Variants in BABAM2 observed in about 807,000 individuals in gnomAD.
BABAM2 encodes BRISC and BRCA1 A complex member 2.
In BABAM2, 31 loss-of-function variants were observed where a neutral mutation model predicts 54.7. The ratio of observed to expected loss-of-function variants is 0.57; its 90% confidence interval spans 0.43 to 0.77. The LOEUF (loss-of-function observed/expected upper bound fraction) is 0.77, where lower values mean the gene tolerates loss of function less well. Among genes scored for constraint, BABAM2 ranks in the 30% least tolerant of loss-of-function variants. The probability of loss-of-function intolerance (pLI) is 0.00; values close to 1 mark genes in which losing one functional copy is unlikely to be tolerated. For missense variants in BABAM2, 364 were observed against 455.8 expected (o/e 0.80, Z 1.83); for synonymous variants, 167 against 162.9 (o/e 1.03, Z -0.19).
chr2:27,925,298 TATC>T (rs1174749458), intron 2 of BABAM2, among the ~76,000 whole-genome samples: 1 of 152,180 alleles, frequency 6.6e-6, no homozygotes, highest in African/African-American at 2.4e-5. Flanking sequence ...ATTTGGTTAT[TATC>T]TCACACTTTG....
At chr2:27,914,496 A>G (rs561084964) in intron 2 of BABAM2, among the ~76,000 whole-genome samples, 8 of 152,248 alleles carry the variant, frequency 5.3e-5, no homozygotes, top group Non-Finnish European at 1.2e-4. Flanking sequence ...ATACTTCTTA[A>G]AGTGTAACAC....
intron 6 of BABAM2, among the ~76,000 whole-genome samples, chr2:28,103,469 C>T (rs375223396): frequency 2.0e-5 from 3 of 152,052 alleles, no homozygotes; most frequent in Non-Finnish European, 2.9e-5. Flanking sequence ...CCACCATGCT[C>T]GGCTAATTTT....
chr2:28,154,386 G>A (rs544567323), intron 7 of BABAM2, among the ~76,000 whole-genome samples: 6 of 152,268 alleles, frequency 3.9e-5, no homozygotes, highest in South Asian at 4.1e-4. Context: ...GGAGAAACAC[G>A]AATATTTCAA....
rs1033648178 is a variant in BABAM2 at position 28,319,890 on chromosome 2, C to T, written c.1089-18560C>T. ...CAGAGGTCCAGAATAGACAGGCTCA[C>T]GGTGGGGGAAGTGACCTCACTCCCG... On this transcript the variant is annotated intron_variant, in intron 11 of 11. Transcript: ENST00000379624. Among the ~76,000 whole-genome samples the T allele has an allele frequency of 9.2e-5, 14 of 152,284 alleles. No individual in the cohort carries two copies. In the South Asian group the frequency reaches 2.1e-3, roughly 23 times the overall value.
intron 7 of BABAM2, among the ~76,000 whole-genome samples, chr2:28,145,265 T>A (rs1369431406): frequency 6.6e-6 from 1 of 152,218 alleles, no homozygotes; most frequent in Non-Finnish European, 1.5e-5. Context: ...TAAATACGCA[T>A]CTCTTCTCCT....
chr2:28,057,915 G>A (rs1018388695), intron 6 of BABAM2, among the ~76,000 whole-genome samples: 3 of 151,992 alleles, frequency 2.0e-5, no homozygotes, highest in East Asian at 1.9e-4. Context: ...AGGCCGAGGC[G>A]GGAGGATCAC....
At chr2:27,974,500 T>C (rs769861655) in intron 3 of BABAM2, among the ~76,000 whole-genome samples, 24 of 152,098 alleles carry the variant, frequency 1.6e-4, no homozygotes, top group Non-Finnish European at 2.5e-4. Context: ...TAATACAAGA[T>C]AAACTGTATG....
intron 2 of BABAM2, among the ~76,000 whole-genome samples, chr2:27,923,734 G>A (rs189321019): frequency 6.6e-6 from 1 of 152,328 alleles, no homozygotes; most frequent in East Asian, 1.9e-4. Flanking sequence ...TCTTTGGGAG[G>A]CTGAGGCAGG....
intron 6 of BABAM2, among the ~76,000 whole-genome samples, chr2:28,077,493 C>A (rs1411992963): frequency 6.6e-6 from 1 of 152,122 alleles, no homozygotes; most frequent in African/African-American, 2.4e-5. Context: ...GATTCTAGAA[C>A]TTCTAAGGAT....
intron 3 of BABAM2, among the ~76,000 whole-genome samples, chr2:27,971,584 A>G (rs555810602): frequency 9.8e-5 from 15 of 152,294 alleles, no homozygotes; most frequent in African/African-American, 3.1e-4. Context: ...TCATTAAAAG[A>G]AAAATAAATG....
intron 6 of BABAM2, among the ~76,000 whole-genome samples, chr2:28,125,571 G>A (rs1669454202): frequency 6.6e-6 from 1 of 152,192 alleles, no homozygotes; most frequent in Admixed American, 6.5e-5. Context: ...GGGATTACAG[G>A]TGTGAGCCAC....
intron 11 of BABAM2, among the ~76,000 whole-genome samples, chr2:28,331,877 C>G (rs1690988924): frequency 6.6e-6 from 1 of 152,206 alleles, no homozygotes. Flanking sequence ...CATATGTTCA[C>G]TGCAGCACTA....
chr2:28,117,530 AGG>A (rs1668710426), intron 6 of BABAM2, among the ~76,000 whole-genome samples: 1 of 152,204 alleles, frequency 6.6e-6, no homozygotes, highest in African/African-American at 2.4e-5. Flanking sequence ...ACAGGAACTA[AGG>A]GTGTGGATGC....
intron 4 of BABAM2, chr2:28,015,659 A>C (rs1674747215): frequency 3.0e-5 from 22 of 732,416 alleles, no homozygotes; most frequent in Non-Finnish European, 4.0e-5. Context: ...AAATTCATGC[A>C]TTTTAGTAAA....
chr2:28,129,630 T>C (rs1669858811), intron 7 of BABAM2, among the ~76,000 whole-genome samples: 1 of 152,214 alleles, frequency 6.6e-6, no homozygotes, highest in South Asian at 2.1e-4. Context: ...GAGAAAAGAA[T>C]AGGCAGACTG....
chr2:28,187,252 G>A (rs1676411060), intron 7 of BABAM2, among the ~76,000 whole-genome samples: 2 of 152,206 alleles, frequency 1.3e-5, no homozygotes, highest in African/African-American at 4.8e-5. Context: ...AGTGGCAGAA[G>A]TGAAGCTATT....
intron 3 of BABAM2, among the ~76,000 whole-genome samples, chr2:27,979,265 C>T (rs1229569223): frequency 1.3e-5 from 2 of 151,896 alleles, no homozygotes; most frequent in Admixed American, 6.6e-5. Flanking sequence ...AACTCCTCAC[C>T]TCAGGTGATC....
intron 4 of BABAM2, among the ~76,000 whole-genome samples, chr2:28,024,083 C>T (rs1398976298): frequency 6.6e-6 from 1 of 152,102 alleles, no homozygotes. Context: ...CACACATACT[C>T]AGTTAAAAAA....
intron 4 of BABAM2, among the ~76,000 whole-genome samples, chr2:28,014,953 C>A (rs898921084): frequency 6.6e-6 from 1 of 152,160 alleles, no homozygotes; most frequent in South Asian, 2.1e-4. Flanking sequence ...CAAGCCAAAG[C>A]GTAATCAAAA....
Sources: gnomAD v4.1 joint callset for allele counts (sites outside exome capture counted in the v4.1 genomes callset) on GRCh38, gnomAD v4.1.1 for gene constraint, MANE v1.5 for transcripts, NCBI Gene and HGNC (gene_info 2026-07-23, HGNC 2026-07-21) for gene names.